Variants in RUFY1 observed in about 807,000 individuals in gnomAD.
RUFY1 encodes the protein RUN and FYVE domain containing 1, also known as RUN and FYVE domain-containing protein 1.
In RUFY1, 54 loss-of-function variants were observed where a neutral mutation model predicts 94.6. The observed-to-expected ratio is 0.57, with a 90% CI of 0.46 to 0.72. RUFY1 has a LOEUF of 0.72. RUFY1 is among the 30% of genes least tolerant of loss of function. RUFY1 has a pLI of 0.00. For missense variants in RUFY1, 883 were observed against 883.9 expected (o/e 1.00, Z 0.01); for synonymous variants, 396 against 347.3 (o/e 1.14, Z -1.56).
chr5:179,576,237 TATTC>T lies in RUFY1; in HGVS notation c.829-833_829-830del, dbSNP rs538885587. Among the ~76,000 whole-genome samples the T allele has an allele frequency of 1.5e-4, 23 of 152,276 alleles. 1 individual carries two copies. The South Asian group carries it at 4.3e-3, about 29-fold the overall frequency. The stretch of plus-strand genomic sequence containing the variant: ...TATTTCAGATAAGAATGACCTCACT[TATTC>T]ATTCTCAAGTGCTTTATTTCTTGGC... On this transcript the variant is annotated intron_variant, in intron 5 of 17. Coordinates refer to ENST00000319449, the MANE Select transcript of RUFY1 (RefSeq NM_025158.5).
chr5:179,572,409 G>C (rs750604740), intron 5 of RUFY1: 11 of 195,468 alleles, frequency 5.6e-5, no homozygotes, highest in Non-Finnish European at 8.7e-5. Context: ...CACCTGGCTT[G>C]GATCAACAAC....
chr5:179,574,349 C>G (rs182065516), intron 5 of RUFY1, among the ~76,000 whole-genome samples: 285 of 152,136 alleles, frequency 1.9e-3, no homozygotes, highest in African/African-American at 6.7e-3. Context: ...GAGCTGAGAC[C>G]GTGCCACTGC....
chr5:179,586,036 C>T (rs1391365561), intron 8 of RUFY1, among the ~76,000 whole-genome samples, 171 bp downstream of exon 8: 1 of 152,176 alleles, frequency 6.6e-6, no homozygotes, highest in Admixed American at 6.5e-5. Context: ...CTGTCCGAGG[C>T]TCCCAGTGAG....
chr5:179,589,244 C>G (rs994115463), intron 8 of RUFY1: 30 of 330,310 alleles, frequency 9.1e-5, no homozygotes, highest in Admixed American at 1.8e-4. Context: ...CAGGCTGTTT[C>G]TAATTTTTTG....
chr5:179,580,206 CGTGTGTGTGTGTGTGTGTGT>C (rs71591429), intron 6 of RUFY1, among the ~76,000 whole-genome samples: 2 of 127,568 alleles, frequency 1.6e-5, no homozygotes, highest in African/African-American at 5.8e-5. Context: ...CAAAAAATTC[CGTGTGTGTGTGTGTGTGTGT>C]GTGTGTGTGT....
At chr5:179,584,029 T>TG (rs1163510988) in intron 7 of RUFY1, among the ~76,000 whole-genome samples, 2 of 152,330 alleles carry the variant, frequency 1.3e-5, no homozygotes, top group East Asian at 3.9e-4. Context: ...ATTACAGGCG[T>TG]GAGCCACCAC....
intron 15 of RUFY1, among the ~76,000 whole-genome samples, chr5:179,604,013 C>T (rs543808702): frequency 2.0e-5 from 3 of 152,152 alleles, no homozygotes; most frequent in African/African-American, 4.8e-5. Flanking sequence ...GCCGAGATCG[C>T]GCCATTGCAC....
intron 7 of RUFY1, among the ~76,000 whole-genome samples, chr5:179,583,405 C>T (rs1764319894): frequency 1.8e-5 from 1 of 56,304 alleles, no homozygotes; most frequent in Non-Finnish European, 3.3e-5. Context: ...TATCTTTTCT[C>T]ATATAAATAT....
intron 2 of RUFY1, among the ~76,000 whole-genome samples, chr5:179,562,319 A>C (rs916882369): frequency 6.6e-6 from 1 of 152,040 alleles, no homozygotes; most frequent in Non-Finnish European, 1.5e-5. Context: ...GAGGCAGAGA[A>C]TTGCTTGAAC....
In RUFY1 at chr5:179,560,247, T is replaced by G. The variant is rs2127509621; in HGVS notation, c.484+49T>G. ...AGCGTGGAAGTTCGGGCTGGGTGTT[T>G]GCTCAGCATTTTTTCATCAGCGCCA... On this transcript the variant is annotated intron_variant, in intron 2 of 17. Coordinates refer to ENST00000319449, the MANE Select transcript of RUFY1 (RefSeq NM_025158.5). 3 of 1,587,964 alleles carry G rather than the reference T, an allele frequency of 1.9e-6. No individual in the cohort carries two copies. The South Asian group carries it at 3.4e-5, about 18-fold the overall frequency.
intron 5 of RUFY1, chr5:179,572,357 T>C (rs1763288178): frequency 5.0e-6 from 1 of 198,216 alleles, no homozygotes. Flanking sequence ...TTCCGCAAGC[T>C]GGGCTGCGAA....
intron 15 of RUFY1, among the ~76,000 whole-genome samples, chr5:179,605,299 C>T (rs1412123575): frequency 1.3e-5 from 2 of 148,200 alleles, no homozygotes; most frequent in Admixed American, 6.7e-5. Flanking sequence ...AAAAAAGGAT[C>T]AGACTGTTTC....
intron 5 of RUFY1, among the ~76,000 whole-genome samples, chr5:179,571,511 A>C (rs1763225008): frequency 6.6e-6 from 1 of 152,026 alleles, no homozygotes; most frequent in African/African-American, 2.4e-5. Flanking sequence ...CTGGAAAAAA[A>C]AAAAAAAAAC....
intron 7 of RUFY1, among the ~76,000 whole-genome samples, chr5:179,583,999 C>G (rs985324059): frequency 6.6e-6 from 1 of 152,132 alleles, no homozygotes; most frequent in African/African-American, 2.4e-5. Context: ...CCGCCCGCCT[C>G]GGCCTCCCAA....
At chr5:179,554,436 T>TG (rs1345932837) in intron 1 of RUFY1, among the ~76,000 whole-genome samples, 4 of 151,750 alleles carry the variant, frequency 2.6e-5, no homozygotes, top group African/African-American at 9.7e-5. Context: ...TTCAGGAGGC[T>TG]GAGGCAGGAG....
intron 1 of RUFY1, among the ~76,000 whole-genome samples, chr5:179,554,589 TA>T (rs1762020511): frequency 6.6e-6 from 1 of 151,960 alleles, no homozygotes; most frequent in African/African-American, 2.4e-5. Flanking sequence ...TATGTGATTG[TA>T]TTGTCCATAG....
chr5:179,584,741 G>A lies in RUFY1; in HGVS notation c.957-1055G>A, dbSNP rs377355943. 1.8e-3 allele frequency among the ~76,000 whole-genome samples: 272 copies of A among 151,904 alleles called. 2 individuals are homozygous for A. The highest frequency in any genetic ancestry group is 6.4e-3 in the African/African-American group (265 of 41,422). On this transcript the variant is annotated intron_variant, in intron 7 of 17. Coordinates refer to ENST00000319449, the MANE Select transcript of RUFY1 (RefSeq NM_025158.5). ...CACACCACTGCACTCCAGCCTGGGC[G>A]ACAGAGCAAGACCCTGTTTCAAAAA...
At chr5:179,585,061 G>T (rs1764489106) in intron 7 of RUFY1, among the ~76,000 whole-genome samples, 1 of 152,134 alleles carries the variant, frequency 6.6e-6, no homozygotes, top group Non-Finnish European at 1.5e-5. Context: ...AACCCAGGAG[G>T]TGGAGGTTCC....
chr5:179,606,074 A>C (rs1581577253), intron 16 of RUFY1, 150 bp downstream of exon 16: 1 of 627,222 alleles, frequency 1.6e-6, no homozygotes, highest in East Asian at 2.8e-5. Context: ...CGCTGCTCAG[A>C]AACGTGTCCC....
Sources: gnomAD v4.1 joint callset for allele counts (sites outside exome capture counted in the v4.1 genomes callset) on GRCh38, gnomAD v4.1.1 for gene constraint, MANE v1.5 for transcripts, NCBI Gene and HGNC (gene_info 2026-07-23, HGNC 2026-07-21) for gene names.